The following MRPL1 variants were observed in gnomAD, a reference collection of about 807,000 sequenced individuals.
The protein encoded by MRPL1 is large ribosomal subunit protein uL1m.
In MRPL1, 28 loss-of-function variants were observed where a neutral mutation model predicts 38.0. That is an observed-to-expected ratio of 0.74 (90% CI 0.55 to 1.01). The LOEUF is 1.01. MRPL1 is among the 50% of genes least tolerant of loss of function. The probability of loss-of-function intolerance (pLI) is 0.00; values close to 1 mark genes in which losing one functional copy is unlikely to be tolerated. For synonymous variants in MRPL1, 123 were observed against 126.7 expected, an observed-to-expected ratio of 0.97 and a Z score of 0.20; for missense variants, 358 against 389.8, an observed-to-expected ratio of 0.92 and a Z score of 0.69.
intron 1 of MRPL1, among the ~76,000 whole-genome samples, chr4:77,865,759 G>C (rs1735125181): frequency 6.6e-6 from 1 of 152,046 alleles, no homozygotes; most frequent in African/African-American, 2.4e-5. Flanking sequence ...ACTTCTCACT[G>C]CCCCACTGCA....
chr4:77,891,743 T>C (rs1168288759), intron 5 of MRPL1, among the ~76,000 whole-genome samples: 1 of 152,034 alleles, frequency 6.6e-6, no homozygotes, highest in Non-Finnish European at 1.5e-5. Flanking sequence ...GAAAGTGTTA[T>C]GAAGCTGTAA....
chr4:77,886,417 C>T (rs1735677522), intron 4 of MRPL1, among the ~76,000 whole-genome samples: 1 of 152,104 alleles, frequency 6.6e-6, no homozygotes, highest in South Asian at 2.1e-4. Context: ...TTACCGCAAC[C>T]TCTGCCTCCT....
Position 77,890,171 on chromosome 4 carries a change from C to T in MRPL1, c.558+2880C>T, listed in dbSNP as rs1483051701. 4.6e-5 allele frequency among the ~76,000 whole-genome samples: 7 copies of T among 152,080 alleles called. 1 individual carries two copies. The highest frequency in any genetic ancestry group is 1.9e-4 in the East Asian group (1 of 5,172). The stretch of plus-strand genomic sequence containing the variant: ...CTGATACCAAAGCCTGGCAGAGACA[C>T]GACAAAAAAAGAGAATTTTAGACCA... On this transcript the variant is annotated intron_variant, in intron 5 of 8. Coordinates refer to ENST00000315567, the MANE Select transcript of MRPL1 (RefSeq NM_020236.4).
intron 7 of MRPL1, among the ~76,000 whole-genome samples, chr4:77,944,181 A>ATGG (rs1479051573): frequency 6.6e-6 from 1 of 152,168 alleles, no homozygotes; most frequent in Non-Finnish European, 1.5e-5. Context: ...CCCAGCAGTT[A>ATGG]CCAGGCTCCA....
intron 7 of MRPL1, among the ~76,000 whole-genome samples, chr4:77,947,122 A>T (rs1737289380): frequency 6.6e-6 from 1 of 152,200 alleles, no homozygotes; most frequent in Admixed American, 6.5e-5. Flanking sequence ...TCTGAGTGTT[A>T]AAACAGAGAT....
chr4:77,928,573 C>T (rs529812943), intron 7 of MRPL1, among the ~76,000 whole-genome samples: 1 of 152,172 alleles, frequency 6.6e-6, no homozygotes, highest in East Asian at 1.9e-4. Context: ...GGAAAATAAA[C>T]TTTAGAATGT....
At position 77,862,856 on chromosome 4, in the gene MRPL1, C is replaced by T. The variant is rs1433558640; in HGVS notation, c.8C>T (p.Ala3Val). Residue 3 changes from alanine (A) to valine (V), a missense_variant, in exon 1 of 9, where the codon GCG (alanine) becomes GTG (valine). By Grantham distance (64) the Ala-to-Val change is moderately conservative. Transcript: ENST00000315567. MAAAVRCMGRALI... is the reference protein window; with the variant it reads MAVAVRCMGRALI... Reference sequence around the variant, plus strand: ...CAATCCGGAGTGCCCAACATGGCGGCGGCCGTAAGGTGCATGGGTAGAGGT... The same window carrying T: ...CAATCCGGAGTGCCCAACATGGCGGTGGCCGTAAGGTGCATGGGTAGAGGT... The T allele has an allele frequency of 1.2e-6, 2 of 1,613,938 alleles. No homozygotes were observed. The highest frequency in any genetic ancestry group is 2.7e-5 in the African/African-American group (2 of 74,894).
rs145927942 is a variant in MRPL1 at position 77,898,185 on chromosome 4, A to G, written c.670+3935A>G. Among the ~76,000 whole-genome samples, 33 of 152,184 alleles carry G rather than the reference A, an allele frequency of 2.2e-4. 1 individual carries two copies. The East Asian group carries it at 6.2e-3, about 28-fold the overall frequency. ...TGACCATCCTATATAAAATATTACT[A>G]CCACTTCCTATTATCACTAAATATC... On this transcript the variant is annotated intron_variant, in intron 6 of 8. Coordinates refer to ENST00000315567, the MANE Select transcript of MRPL1 (RefSeq NM_020236.4).
intron 1 of MRPL1, among the ~76,000 whole-genome samples, chr4:77,869,152 G>A (rs1033134269): frequency 2.0e-5 from 3 of 152,140 alleles, no homozygotes; most frequent in Non-Finnish European, 4.4e-5. Context: ...ATAGAGTCAG[G>A]TGAGAAGGCA....
At chr4:77,939,773 T>C (rs759642338) in intron 7 of MRPL1, among the ~76,000 whole-genome samples, 3 of 152,238 alleles carry the variant, frequency 2.0e-5, no homozygotes, top group African/African-American at 4.8e-5. Context: ...TTGCCAGTTA[T>C]CCCAGCACTA....
rs753333987 is a variant in MRPL1 at position 77,952,542 on chromosome 4, C to T, written c.913C>T (p.Leu305=). ...TAGTTCAACAAGTGAAGGTTTATTACTGAAGATTGATCCATTGTTGCCTAA... is the reference window on the plus strand; with the variant it reads ...TAGTTCAACAAGTGAAGGTTTATTATTGAAGATTGATCCATTGTTGCCTAA... ...LRSSTSEGLL[L]KIDPLLPKEV... The change falls in exon 9 of 9, where the codon CTG becomes TTG. Residue 305 remains leucine (L), a synonymous_variant. Coordinates refer to ENST00000315567, the MANE Select transcript of MRPL1 (RefSeq NM_020236.4). 3 of 1,613,288 alleles carry T rather than the reference C, an allele frequency of 1.9e-6. No homozygotes were observed. Among genetic ancestry groups the T allele is most frequent in the Non-Finnish European group, 2.5e-6 (3 of 1,179,726 alleles).
chr4:77,932,571 C>T (rs1054692856), intron 7 of MRPL1, among the ~76,000 whole-genome samples: 3 of 151,938 alleles, frequency 2.0e-5, no homozygotes, highest in African/African-American at 7.3e-5. Context: ...GAGGGTTTTC[C>T]ACAGTGACAG....
intron 7 of MRPL1, among the ~76,000 whole-genome samples, chr4:77,941,921 GTTTGGT>G (rs1255090988): frequency 1.3e-5 from 2 of 151,914 alleles, no homozygotes; most frequent in Non-Finnish European, 2.9e-5. Flanking sequence ...CTGGGTTTGG[GTTTGGT>G]TTATTCTTGT....
intron 7 of MRPL1, among the ~76,000 whole-genome samples, chr4:77,924,169 C>A (rs1270429402): frequency 1.3e-5 from 2 of 151,876 alleles, no homozygotes; most frequent in African/African-American, 4.8e-5. Context: ...CTTTTAAATG[C>A]CTTTGAATTT....
At chr4:77,902,768 A>T (rs1736065393) in intron 6 of MRPL1, among the ~76,000 whole-genome samples, 1 of 152,220 alleles carries the variant, frequency 6.6e-6, no homozygotes, top group Admixed American at 6.5e-5. Flanking sequence ...ACATAAAATG[A>T]CACATTCCTT....
intron 8 of MRPL1, 49 bp downstream of exon 8, chr4:77,949,927 A>G: frequency 9.2e-7 from 1 of 1,086,278 alleles, no homozygotes; most frequent in Non-Finnish European, 1.3e-6. Flanking sequence ...GTGAAACTTT[A>G]AAATGTAAAA....
At chr4:77,929,471 G>A (rs7659122) in intron 7 of MRPL1, among the ~76,000 whole-genome samples, 33,295 of 151,706 alleles carry the variant, frequency 0.22, 4,399 homozygotes, top group African/African-American at 0.36. Context: ...CATCTATAAG[G>A]CCATGTTATG....
chr4:77,915,828 T>C (rs1267047859), intron 7 of MRPL1, among the ~76,000 whole-genome samples: 1 of 152,236 alleles, frequency 6.6e-6, no homozygotes, highest in Non-Finnish European at 1.5e-5. Flanking sequence ...TGTCATAAGA[T>C]GATACGTTGA....
At chr4:77,892,494 C>T (rs935051017) in intron 5 of MRPL1, among the ~76,000 whole-genome samples, 3 of 152,146 alleles carry the variant, frequency 2.0e-5, no homozygotes, top group African/African-American at 4.8e-5. Flanking sequence ...TGAAACATCA[C>T]AGATATGCCT....
Sources: gnomAD v4.1 joint callset for allele counts (sites outside exome capture counted in the v4.1 genomes callset) on GRCh38, gnomAD v4.1.1 for gene constraint, MANE v1.5 for transcripts, NCBI Gene and HGNC (gene_info 2026-07-23, HGNC 2026-07-21) for gene names.